Variants in CACNA1H observed in about 807,000 individuals in gnomAD.
CACNA1H encodes calcium voltage-gated channel subunit alpha1 H, also known as voltage-dependent T-type calcium channel subunit alpha-1H.
Under a neutral mutation model 192.5 loss-of-function variants are expected in CACNA1H, and 149 were observed. That is an observed-to-expected ratio of 0.77 (90% CI 0.68 to 0.89). CACNA1H has a LOEUF of 0.89. Ranked by LOEUF, CACNA1H falls within the 40% of genes least tolerant of loss-of-function variation. The probability of loss-of-function intolerance (pLI) is 0.00; values close to 1 mark genes in which losing one functional copy is unlikely to be tolerated. For missense variants in CACNA1H, 4,257 were observed against 3,423.5 expected (o/e 1.24, Z -6.08); for synonymous variants, 2,202 against 1,475.2 (o/e 1.49, Z -11.29).
At position 1,219,078 on chromosome 16, in the gene CACNA1H, C is replaced by T. The variant is rs1037177615; in HGVS notation, c.5996C>T (p.Ser1999Phe). ...AGCGGCGAGCCCCTCCACGCCCTGT[C>T]CCCTCGGGGCACAGCCCGCTCCCCC... ...ARSGEPLHAL[S>F]PRGTARSPSL... The change falls in exon 34 of 35, where the codon TCC becomes TTC. Residue 1999 changes from serine (S) to phenylalanine (F), a missense_variant. Coordinates refer to ENST00000348261, the MANE Select transcript of CACNA1H (RefSeq NM_021098.3). The T allele has an allele frequency of 3.6e-5, 55 of 1,549,290 alleles. No individual in the cohort carries two copies. The highest frequency in any genetic ancestry group is 4.4e-5 in the Non-Finnish European group (50 of 1,146,586).
Position 1,200,859 on chromosome 16 carries a change from TG to T in CACNA1H, c.1212+56del. The T allele has an allele frequency of 3.9e-6, 5 of 1,272,176 alleles. No individual in the cohort carries two copies. In the South Asian group the frequency reaches 5.1e-5, roughly 13 times the overall value. 78.8% of individuals were successfully genotyped at this position (1,272,176 alleles called of 1,614,324 possible). On this transcript the variant is annotated intron_variant, in intron 8 of 34. Coordinates refer to ENST00000348261, the MANE Select transcript of CACNA1H (RefSeq NM_021098.3). ...ATGATGGGCCCTGGTGTTAGCTGGCTGGGGGTGGGGTGGGGTACCTGGGTGG... is the reference window on the plus strand; with the variant it reads ...ATGATGGGCCCTGGTGTTAGCTGGCTGGGGTGGGGTGGGGTACCTGGGTGG...
intron 22 of CACNA1H, 26 bp downstream of exon 22, chr16:1,211,320 G>T (rs1404833359): frequency 1.9e-6 from 3 of 1,612,250 alleles, no homozygotes; most frequent in East Asian, 2.2e-5. Context: ...GTGCCCGGGG[G>T]TCTGCCCCGT....
intron 2 of CACNA1H, among the ~76,000 whole-genome samples, chr16:1,184,129 A>G (rs1016853875): frequency 4.6e-5 from 7 of 152,128 alleles, no homozygotes; most frequent in Admixed American, 4.6e-4. Context: ...ACTGCTCTAG[A>G]CCCCAGGGCA....
rs763533172 is a variant in CACNA1H at position 1,207,906 on chromosome 16, G to C, written c.3154+46G>C. 6 of 1,547,214 alleles carry C rather than the reference G, an allele frequency of 3.9e-6. 1 individual carries two copies. The African/African-American group carries it at 8.2e-5, about 21-fold the overall frequency. On this transcript the variant is annotated intron_variant, in intron 15 of 34. Coordinates refer to ENST00000348261, the MANE Select transcript of CACNA1H (RefSeq NM_021098.3). ...GTCCGGGTTCTGGCGGGTGGAGTAC[G>C]CTGGGCTGGCCGGGCAGGGCCCCCA...
chr16:1,199,918 C>T (rs914488224), intron 6 of CACNA1H, among the ~76,000 whole-genome samples: 1 of 152,110 alleles, frequency 6.6e-6, no homozygotes, highest in Non-Finnish European at 1.5e-5. Context: ...TTGGGTCTCC[C>T]TCCCTGTTTG....
rs1263557227 is a variant in CACNA1H, at chr16:1,153,778, C to T, written c.41C>T (p.Pro14Leu). 76 of 1,226,856 alleles carry T rather than the reference C, an allele frequency of 6.2e-5. No individual in the cohort carries two copies. The highest frequency in any genetic ancestry group is 1.7e-4 in the South Asian group (5 of 29,466). The allele number at this position is 1,226,856 out of a possible 1,614,324, so 76.0% of individuals were successfully genotyped here. Residue 14 changes from proline to leucine, a missense_variant, in exon 2 of 35, where the codon CCC becomes CTC. Physicochemically the swap from Pro to Leu is moderately conservative, Grantham distance 98 (BLOSUM62 -3). Transcript: ENST00000348261. ...CGGGCCGCCGACGAGGTCCGGGTGCCCCTGGGCGCGCCGCCCCCTGGCCCT... is the reference window on the plus strand; with the variant it reads ...CGGGCCGCCGACGAGGTCCGGGTGCTCCTGGGCGCGCCGCCCCCTGGCCCT... Reference protein sequence around the residue: ...GARAADEVRVPLGAPPPGPAA... With the variant: ...GARAADEVRVLLGAPPPGPAA...
chr16:1,200,666 G>T, intron 7 of CACNA1H, 50 bp from the exon 8 acceptor site: 1 of 1,544,516 alleles, frequency 6.5e-7, no homozygotes. Context: ...GGGGCACGGG[G>T]AGGAGGAGGA....
chr16:1,197,960 C>T (rs1406723680), intron 5 of CACNA1H, among the ~76,000 whole-genome samples: 1 of 152,144 alleles, frequency 6.6e-6, no homozygotes. Flanking sequence ...GGACCGATGG[C>T]TTCAGTGCTA....
In CACNA1H at chr16:1,201,644, C is replaced by T. The variant is rs1418472950; in HGVS notation, c.1213-19C>T. The T allele has an allele frequency of 1.3e-6, 2 of 1,553,300 alleles. No homozygotes were observed. The highest frequency in any genetic ancestry group is 1.7e-6 in the Non-Finnish European group (2 of 1,148,236). ...GACTCGCTCACTCACTGCCACTTAC[C>T]CGCCCGCCCCCGTCACAGGTGGGCT... is the stretch of plus-strand genomic sequence containing the variant. On this transcript the variant is annotated intron_variant, in intron 8 of 34. Coordinates refer to ENST00000348261, the MANE Select transcript of CACNA1H (RefSeq NM_021098.3).
intron 2 of CACNA1H, chr16:1,157,176 C>G (rs1962535782): frequency 6.6e-6 from 1 of 152,076 alleles, no homozygotes; most frequent in Non-Finnish European, 1.5e-5. Context: ...GGAAGGGGGA[C>G]CCTGCTTCGG....
intron 5 of CACNA1H, among the ~76,000 whole-genome samples, chr16:1,197,671 G>A (rs1262675943): frequency 6.6e-6 from 1 of 152,184 alleles, no homozygotes; most frequent in East Asian, 1.9e-4. Context: ...GTCTGCTCCG[G>A]TCGGCTCTTT....
chr16:1,190,696 C>T (rs1482374444), intron 2 of CACNA1H, among the ~76,000 whole-genome samples: 1 of 152,272 alleles, frequency 6.6e-6, no homozygotes, highest in East Asian at 1.9e-4. Context: ...AGCTGCCCCA[C>T]AGGCACAGGG....
At chr16:1,172,884 C>T (rs1006447776) in intron 2 of CACNA1H, among the ~76,000 whole-genome samples, 3 of 152,032 alleles carry the variant, frequency 2.0e-5, no homozygotes, top group African/African-American at 7.2e-5. Context: ...AGGGCCAGGA[C>T]AGCCCCGTGG....
Position 1,196,393 on chromosome 16 carries a change from G to C in CACNA1H, c.643+370G>C, listed in dbSNP as rs548593469. Among the ~76,000 whole-genome samples, 441 of 152,358 alleles carry C rather than the reference G, an allele frequency of 2.9e-3. 3 individuals carry two copies. Among genetic ancestry groups the C allele is most frequent in the African/African-American group, 1.0e-2 (415 of 41,582 alleles). ...CTGGCGCATCCTGGTGTGGCTCGTG[G>C]TGGAGACACTCTTGTGGGTGTGGCT... On this transcript the variant is annotated intron_variant, in intron 5 of 34. Transcript: ENST00000348261.
chr16:1,217,631 C>A (rs1308651367), intron 31 of CACNA1H, among the ~76,000 whole-genome samples: 2 of 152,228 alleles, frequency 1.3e-5, no homozygotes, highest in Non-Finnish European at 2.9e-5. Flanking sequence ...CTACTCATCC[C>A]CCGCCACGCG....
At chr16:1,188,071 G>A (rs1020753845) in intron 2 of CACNA1H, among the ~76,000 whole-genome samples, 1 of 152,206 alleles carries the variant, frequency 6.6e-6, no homozygotes, top group Non-Finnish European at 1.5e-5. Flanking sequence ...TTGTACAGAT[G>A]GGGAAGCTGA....
chr16:1,214,314 G>T (rs1457717475), intron 27 of CACNA1H, among the ~76,000 whole-genome samples: 1 of 152,206 alleles, frequency 6.6e-6, no homozygotes, highest in Non-Finnish European at 1.5e-5. Flanking sequence ...GAAGGACTTC[G>T]TCCTCCCAGC....
intron 24 of CACNA1H, 64 bp downstream of exon 24, chr16:1,211,869 T>C (rs1016254229): frequency 3.2e-5 from 51 of 1,609,498 alleles, no homozygotes; most frequent in Non-Finnish European, 3.9e-5. Context: ...CCTTGGCCTC[T>C]GGGGACTCGG....
chr16:1,188,285 C>T (rs939724724), intron 2 of CACNA1H, among the ~76,000 whole-genome samples: 1 of 152,162 alleles, frequency 6.6e-6, no homozygotes, highest in African/African-American at 2.4e-5. Flanking sequence ...CCAGGACCAC[C>T]CTTTGGGCCA....
Sources: gnomAD v4.1 joint callset for allele counts (sites outside exome capture counted in the v4.1 genomes callset) on GRCh38, gnomAD v4.1.1 for gene constraint, MANE v1.5 for transcripts, NCBI Gene and HGNC (gene_info 2026-07-23, HGNC 2026-07-21) for gene names.